TMEM108: variants seen among roughly 807,000 people sequenced by gnomAD.
TMEM108 encodes the protein cancer/testis antigen 124.
Under a neutral mutation model 35.1 loss-of-function variants are expected in TMEM108, and 12 were observed. The ratio of observed to expected loss-of-function variants is 0.34; its 90% CI spans 0.22 to 0.55. The LOEUF (loss-of-function observed/expected upper bound fraction) is 0.55. Among genes scored for constraint, TMEM108 ranks in the 20% least tolerant of loss-of-function variants. TMEM108 has a pLI of 0.89. For missense variants in TMEM108, 680 were observed against 753.3 expected (o/e 0.90, Z 1.14); for synonymous variants, 287 against 308.6 (o/e 0.93, Z 0.73).
chr3:133,136,465 C>A lies in TMEM108; in HGVS notation c.-47+90445C>A, dbSNP rs536015508. ...TTCTCCCCTGGAGATTGCTTCCTGG[C>A]CTGTAAGCCCAGACTAGGGCTTTCT... On this transcript the variant is annotated intron_variant, in intron 2 of 5. Transcript: ENST00000321871. 2.0e-5 allele frequency among the ~76,000 whole-genome samples: 3 copies of A among 152,366 alleles called. No individual in the cohort carries two copies. In the South Asian group the frequency reaches 6.2e-4, roughly 32 times the overall value.
intron 2 of TMEM108, among the ~76,000 whole-genome samples, chr3:133,210,708 A>G (rs1945823909): frequency 1.3e-5 from 2 of 152,242 alleles, no homozygotes; most frequent in Non-Finnish European, 2.9e-5. Context: ...TCGGAATATC[A>G]TGAACTTCAC....
intron 3 of TMEM108, among the ~76,000 whole-genome samples, chr3:133,285,260 C>A (rs764547684): frequency 2.6e-5 from 4 of 152,080 alleles, no homozygotes; most frequent in Admixed American, 6.5e-5. Flanking sequence ...ATAACACAGA[C>A]GCAGAATAAA....
At chr3:133,057,479 A>ATATATATATATC (rs1559818494) in intron 2 of TMEM108, among the ~76,000 whole-genome samples, 21 of 73,148 alleles carry the variant, frequency 2.9e-4, no homozygotes, top group African/African-American at 1.0e-3. Flanking sequence ...ATATATATAT[A>ATATATATATATC]TATATATGTG....
chr3:133,078,089 G>T (rs1486086746), intron 2 of TMEM108, among the ~76,000 whole-genome samples: 1 of 151,132 alleles, frequency 6.6e-6, no homozygotes, highest in Non-Finnish European at 1.5e-5. Context: ...AATGGGGCAA[G>T]GCTGTCTCAC....
intron 5 of TMEM108, among the ~76,000 whole-genome samples, chr3:133,394,134 C>T (rs2073273002): frequency 1.3e-5 from 2 of 152,220 alleles, no homozygotes; most frequent in Non-Finnish European, 2.9e-5. Flanking sequence ...CAGGATGAAG[C>T]CAGCCAAGCA....
intron 3 of TMEM108, among the ~76,000 whole-genome samples, chr3:133,315,127 A>G (rs1354153636): frequency 1.3e-5 from 2 of 152,226 alleles, no homozygotes; most frequent in South Asian, 2.1e-4. Flanking sequence ...AGCAATGCAT[A>G]CAGGAAGTGC....
chr3:133,373,384 TGATAGATA>T (rs55867564), intron 3 of TMEM108, among the ~76,000 whole-genome samples: 34,572 of 135,904 alleles, frequency 0.25, 4,589 homozygotes, highest in African/African-American at 0.27. Flanking sequence ...GATAGATAGA[TGATAGATA>T]GATAGATAGA....
chr3:133,220,351 A>C (rs889667213), intron 2 of TMEM108, among the ~76,000 whole-genome samples: 5 of 151,834 alleles, frequency 3.3e-5, no homozygotes, highest in Admixed American at 6.6e-5. Flanking sequence ...ATCATAGCTT[A>C]TTGTAGTCTC....
chr3:133,196,078 G>A (rs1243754393), intron 2 of TMEM108, among the ~76,000 whole-genome samples: 1 of 152,174 alleles, frequency 6.6e-6, no homozygotes, highest in Non-Finnish European at 1.5e-5. Context: ...TCCTTTAGCT[G>A]TTGGTAAGCC....
intron 2 of TMEM108, among the ~76,000 whole-genome samples, chr3:133,094,768 C>T (rs1943992740): frequency 6.6e-6 from 1 of 152,216 alleles, no homozygotes; most frequent in Admixed American, 6.5e-5. Context: ...CATAGATCCC[C>T]TCATCTAGCC....
intron 4 of TMEM108, chr3:133,387,108 A>G (rs1012609671): frequency 8.1e-6 from 8 of 985,400 alleles, no homozygotes; most frequent in Middle Eastern, 5.2e-4. Context: ...GAGCCACCCA[A>G]TAGTCATATA....
At chr3:133,365,913 A>G (rs2072488400) in intron 3 of TMEM108, among the ~76,000 whole-genome samples, 1 of 152,208 alleles carries the variant, frequency 6.6e-6, no homozygotes, top group Admixed American at 6.5e-5. Context: ...AATCAGGAAT[A>G]ACTACTAAAG....
At chr3:133,069,628 C>G (rs1943652515) in intron 2 of TMEM108, among the ~76,000 whole-genome samples, 1 of 152,148 alleles carries the variant, frequency 6.6e-6, no homozygotes, top group Non-Finnish European at 1.5e-5. Flanking sequence ...AAACTCCTCC[C>G]TTAGCCTGCC....
At chr3:133,054,476 A>G (rs1943442009) in intron 2 of TMEM108, among the ~76,000 whole-genome samples, 1 of 152,236 alleles carries the variant, frequency 6.6e-6, no homozygotes, top group Non-Finnish European at 1.5e-5. Context: ...ATCTTCGACA[A>G]GTGTTGTTCA....
intron 2 of TMEM108, among the ~76,000 whole-genome samples, chr3:133,214,930 A>G (rs1349463023): frequency 6.6e-6 from 1 of 152,096 alleles, no homozygotes; most frequent in African/African-American, 2.4e-5. Flanking sequence ...TCCCAAAACC[A>G]TGTCCCCCAC....
intron 2 of TMEM108, among the ~76,000 whole-genome samples, chr3:133,168,236 T>C (rs916080616): frequency 6.6e-6 from 1 of 152,222 alleles, no homozygotes; most frequent in Non-Finnish European, 1.5e-5. Context: ...AGTAGGATTT[T>C]ATTTTTGGTT....
chr3:133,380,327 C>T lies in TMEM108; in HGVS notation c.616C>T (p.Pro206Ser). The change falls in exon 4 of 6, where the codon CCT becomes TCT. Residue 206 changes from proline (P) to serine (S), a missense_variant. Coordinates refer to ENST00000321871, the MANE Select transcript of TMEM108 (RefSeq NM_023943.4). The surrounding 1 kb of genome is among the most constrained non-coding windows in gnomAD (Gnocchi z 5.3). ...GCGAGGACGAAATCCAAGCTCCACA[C>T]CTCTGGGGCAGAAGCGGCCCCTGGG... is the stretch of plus-strand genomic sequence containing the variant. The part of the protein sequence containing the change: ...GQRGRNPSST[P>S]LGQKRPLGKI... 1 of 1,614,188 alleles carries T rather than the reference C, an allele frequency of 6.2e-7. No homozygotes were observed. The highest frequency in any genetic ancestry group is 8.5e-7 in the Non-Finnish European group (1 of 1,180,016).
chr3:133,326,361 C>T (rs186857087), intron 3 of TMEM108, among the ~76,000 whole-genome samples: 3 of 152,128 alleles, frequency 2.0e-5, no homozygotes, highest in Non-Finnish European at 2.9e-5. Flanking sequence ...GCCCCAAGGA[C>T]GTGTCACCCA....
chr3:133,253,623 C>A (rs1301871665), intron 3 of TMEM108, among the ~76,000 whole-genome samples: 4 of 152,142 alleles, frequency 2.6e-5, no homozygotes, highest in Non-Finnish European at 5.9e-5. Flanking sequence ...TTATCAAATT[C>A]TTTAACTCTT....
Sources: gnomAD v4.1 joint callset for allele counts (sites outside exome capture counted in the v4.1 genomes callset) on GRCh38, gnomAD v4.1.1 for gene constraint, Gnocchi (gnomAD v3.1) non-coding constraint, MANE v1.5 for transcripts, NCBI Gene and HGNC (gene_info 2026-07-23, HGNC 2026-07-21) for gene names.